HOMER2: variants seen among roughly 807,000 people sequenced by gnomAD.
HOMER2 encodes homer protein homolog 2.
Under a neutral mutation model 47.0 loss-of-function variants are expected in HOMER2, and 27 were observed. The ratio of observed to expected loss-of-function variants is 0.57; its 90% confidence interval spans 0.42 to 0.79. The LOEUF (loss-of-function observed/expected upper bound fraction) is 0.79. Ranked by LOEUF, HOMER2 falls within the 30% of genes least tolerant of loss-of-function variation. The pLI, the probability that HOMER2 is intolerant of heterozygous loss-of-function variation, is 0.00. For synonymous variants in HOMER2, 161 were observed against 163.8 expected, an observed-to-expected ratio of 0.98 and a Z score of 0.13; for missense variants, 443 against 435.0, an observed-to-expected ratio of 1.02 and a Z score of -0.16.
chr15:82,948,883 A>G (rs1277352516), intron 1 of HOMER2, among the ~76,000 whole-genome samples: 3 of 152,252 alleles, frequency 2.0e-5, no homozygotes, highest in Non-Finnish European at 2.9e-5. Context: ...AAAGCTGGTC[A>G]CTTAGGCTTC....
chr15:82,967,993 C>T (rs1193785298), intron 1 of HOMER2, among the ~76,000 whole-genome samples: 2 of 152,172 alleles, frequency 1.3e-5, no homozygotes, highest in Non-Finnish European at 2.9e-5. Context: ...TTCACATATT[C>T]ACTCATTCAA....
chr15:82,846,227 T>A (rs1017188148), downstream of HOMER2: 1 of 152,266 alleles, frequency 6.6e-6, no homozygotes, highest in African/African-American at 2.4e-5. Flanking sequence ...CATACTGCTC[T>A]GCCTCCACTA....
chr15:82,970,418 G>A (rs1413609720), intron 1 of HOMER2, among the ~76,000 whole-genome samples: 3 of 152,184 alleles, frequency 2.0e-5, no homozygotes, highest in Admixed American at 2.0e-4. Context: ...CCCTGAAAAT[G>A]GACCTAATAA....
At chr15:82,868,541 A>ATATATATATATATATATAT in intron 3 of HOMER2, among the ~76,000 whole-genome samples, 7 of 71,266 alleles carry the variant, frequency 9.8e-5, no homozygotes, top group East Asian at 6.1e-4. Flanking sequence ...ATATATATAT[A>ATATATATATATATATATAT]TTTTTTTTTT....
At chr15:82,844,758 A>G (rs994527061), downstream of HOMER2, 14 of 152,246 alleles carry the variant, frequency 9.2e-5, no homozygotes, top group African/African-American at 3.4e-4. Context: ...CACTCTTCTC[A>G]TTAAACTCTT....
chr15:82,952,728 C>G (rs945461385), upstream of HOMER2: 1 of 980,648 alleles, frequency 1.0e-6, no homozygotes, highest in Non-Finnish European at 1.2e-6. Context: ...CGCGGGCGGG[C>G]GGGGGCTGGG....
rs140884085 is a variant in HOMER2 at position 82,936,724 on chromosome 15, C to T, written c.5+15807G>A. ...AGTAGCTGGGACTGTAGGTGCATGCCACCATGCCTAGCTAATTTTTGTATT... is the reference window on the plus strand; with the variant it reads ...AGTAGCTGGGACTGTAGGTGCATGCTACCATGCCTAGCTAATTTTTGTATT... On this transcript the variant is annotated intron_variant, in intron 1 of 8. Transcript: ENST00000450735. 3.3e-3 allele frequency among the ~76,000 whole-genome samples: 498 copies of T among 152,088 alleles called. 8 individuals carry two copies. The highest frequency in any genetic ancestry group is 0.027 in the Admixed American group (407 of 15,252).
intron 3 of HOMER2, among the ~76,000 whole-genome samples, chr15:82,865,555 A>G (rs552766279): frequency 6.6e-6 from 1 of 152,270 alleles, no homozygotes; most frequent in Non-Finnish European, 1.5e-5. Flanking sequence ...TTTTGTTTAC[A>G]TTCAAACATG....
chr15:82,961,615 T>TTAAACAAG (rs1363114781), intron 1 of HOMER2, among the ~76,000 whole-genome samples: 2 of 149,942 alleles, frequency 1.3e-5, no homozygotes, highest in African/African-American at 2.4e-5. Flanking sequence ...CCTAAACAAG[T>TTAAACAAG]TTTTTTTTTA....
Position 82,903,054 on chromosome 15 carries a change from T to C in HOMER2, c.6-10213A>G, listed in dbSNP as rs1006938580. On this transcript the variant is annotated intron_variant, in intron 1 of 8. Coordinates refer to ENST00000450735, the MANE Select transcript of HOMER2 (RefSeq NM_004839.4). ...TCCATAGTAAAATAAATTTAGAAAATGCTGAGCAAAGGAGTGGCACAATCA... is the reference window on the plus strand; with the variant it reads ...TCCATAGTAAAATAAATTTAGAAAACGCTGAGCAAAGGAGTGGCACAATCA... Among the ~76,000 whole-genome samples, 4 of 152,284 alleles carry C rather than the reference T, an allele frequency of 2.6e-5. No homozygotes were observed. The South Asian group carries it at 6.2e-4, about 24-fold the overall frequency.
At chr15:82,970,760 GC>G (rs1247025018) in intron 1 of HOMER2, among the ~76,000 whole-genome samples, 1 of 152,114 alleles carries the variant, frequency 6.6e-6, no homozygotes, top group Non-Finnish European at 1.5e-5. Context: ...AAAAAAAATG[GC>G]CTCTTCTTGC....
At chr15:82,985,403 C>T (rs1293739792) in intron 1 of HOMER2, 1 of 152,082 alleles carries the variant, frequency 6.6e-6, no homozygotes, top group East Asian at 1.9e-4. Context: ...AGGTACTGCA[C>T]TGACACCGTG....
At chr15:82,979,090 AAAG>A (rs1293025710) in intron 1 of HOMER2, among the ~76,000 whole-genome samples, 1 of 152,162 alleles carries the variant, frequency 6.6e-6, no homozygotes, top group Non-Finnish European at 1.5e-5. Context: ...GCCACCATAT[AAAG>A]AAGGACGTGT....
chr15:82,844,438 T>C (rs956143907), downstream of HOMER2: 21 of 152,324 alleles, frequency 1.4e-4, no homozygotes, highest in African/African-American at 4.8e-4. Flanking sequence ...ATTACATATT[T>C]ACTGATATAG....
At chr15:82,973,873 G>A (rs936288735) in intron 1 of HOMER2, among the ~76,000 whole-genome samples, 3 of 151,800 alleles carry the variant, frequency 2.0e-5, no homozygotes, top group African/African-American at 4.8e-5. Flanking sequence ...CAAGACCAGC[G>A]TGGTCAACAT....
chr15:82,953,153 T>C (rs2054544009), upstream of HOMER2, among the ~76,000 whole-genome samples: 1 of 152,180 alleles, frequency 6.6e-6, no homozygotes, highest in African/African-American at 2.4e-5. Flanking sequence ...GAGATGGGCA[T>C]AGCTGTGCTC....
intron 1 of HOMER2, among the ~76,000 whole-genome samples, chr15:82,934,256 G>A (rs151008808): frequency 8.5e-5 from 13 of 152,136 alleles, no homozygotes; most frequent in African/African-American, 1.2e-4. Context: ...CTGCCTCCAC[G>A]TTACTTTCTG....
chr15:82,905,160 A>G lies in HOMER2; in HGVS notation c.6-12319T>C, dbSNP rs902857023. Among the ~76,000 whole-genome samples, 4 of 152,302 alleles carry G rather than the reference A, an allele frequency of 2.6e-5. 1 individual carries two copies. The highest frequency in any genetic ancestry group is 9.6e-5 in the African/African-American group (4 of 41,574). On this transcript the variant is annotated intron_variant, in intron 1 of 8. Coordinates refer to ENST00000450735, the MANE Select transcript of HOMER2 (RefSeq NM_004839.4). ...GCCTTTGATGCGTTCATTAGTAGAC[A>G]GGACAGGGCTGAGGAAAGAACCTTT...
intron 1 of HOMER2, among the ~76,000 whole-genome samples, chr15:82,897,785 CAGCCAA>C (rs2052982097): frequency 6.6e-6 from 1 of 152,232 alleles, no homozygotes; most frequent in Admixed American, 6.5e-5. Context: ...AATGGAAATT[CAGCCAA>C]CAACCACATG....
Sources: gnomAD v4.1 joint callset for allele counts (sites outside exome capture counted in the v4.1 genomes callset) on GRCh38, gnomAD v4.1.1 for gene constraint, MANE v1.5 for transcripts, NCBI Gene and HGNC (gene_info 2026-07-23, HGNC 2026-07-21) for gene names.